The following DNAH12 variants were observed in gnomAD, a reference collection of about 807,000 sequenced individuals.
DNAH12 encodes the protein dynein axonemal heavy chain 12.
In DNAH12, 285 loss-of-function variants were observed where a neutral mutation model predicts 371.5. The ratio of observed to expected loss-of-function variants is 0.77; its 90% CI spans 0.70 to 0.85. The LOEUF (loss-of-function observed/expected upper bound fraction) is 0.85. DNAH12 is among the 40% of genes least tolerant of loss of function. DNAH12 has a pLI of 0.00. For missense variants in DNAH12, 3,611 were observed against 3,689.4 expected (o/e 0.98, Z 0.55); for synonymous variants, 1,200 against 1,213.0 (o/e 0.99, Z 0.22).
chr3:57,532,772 T>C (rs1218689228), intron 2 of DNAH12, among the ~76,000 whole-genome samples: 1 of 152,194 alleles, frequency 6.6e-6, no homozygotes, highest in East Asian at 1.9e-4. Flanking sequence ...TCAACTGTGC[T>C]AGGTCAGATC....
At chr3:57,464,278 G>T (rs1323616932) in intron 17 of DNAH12, among the ~76,000 whole-genome samples, 2 of 152,116 alleles carry the variant, frequency 1.3e-5, no homozygotes, top group African/African-American at 4.8e-5. Context: ...AGCCACAGAA[G>T]ATGCCAAATC....
chr3:57,390,424 A>AAAAAAAAT, intron 45 of DNAH12, among the ~76,000 whole-genome samples: 3 of 33,440 alleles, frequency 9.0e-5, no homozygotes, highest in African/African-American at 1.3e-4. Context: ...AAAAAAAAAA[A>AAAAAAAAT]ATATATATAT....
At chr3:57,305,103 C>T (rs911826513) in intron 69 of DNAH12, among the ~76,000 whole-genome samples, 13 of 152,120 alleles carry the variant, frequency 8.5e-5, no homozygotes, top group Non-Finnish European at 1.3e-4. Flanking sequence ...ACGGCACTTT[C>T]GATTTTTCCA....
At chr3:57,402,361 G>A in intron 43 of DNAH12, 1 of 1,298,634 alleles carries the variant, frequency 7.7e-7, no homozygotes, top group Non-Finnish European at 1.0e-6. Flanking sequence ...CAGACCCCTA[G>A]GCATATAAGG....
intron 39 of DNAH12, among the ~76,000 whole-genome samples, chr3:57,411,092 G>C (rs1421540139): frequency 6.6e-6 from 1 of 152,118 alleles, no homozygotes; most frequent in Non-Finnish European, 1.5e-5. Flanking sequence ...ATAACATGAT[G>C]ATCTATAAAG....
At chr3:57,515,659 A>T (rs1284646716) in intron 4 of DNAH12, among the ~76,000 whole-genome samples, 3 of 152,028 alleles carry the variant, frequency 2.0e-5, no homozygotes, top group African/African-American at 7.2e-5. Context: ...CTTAATAGTT[A>T]AAGTAAAAAT....
intron 16 of DNAH12, among the ~76,000 whole-genome samples, chr3:57,469,457 T>A (rs1262916584): frequency 6.6e-6 from 1 of 152,304 alleles, no homozygotes; most frequent in East Asian, 1.9e-4. Context: ...GAACTACCAT[T>A]TGACCCAGCA....
At chr3:57,430,268 C>G (rs1386915437) in intron 32 of DNAH12, among the ~76,000 whole-genome samples, 3 of 152,146 alleles carry the variant, frequency 2.0e-5, no homozygotes, top group African/African-American at 7.2e-5. Context: ...GCATTATAGA[C>G]ATCACATCAT....
chr3:57,465,472 A>G (rs890763076), intron 17 of DNAH12, among the ~76,000 whole-genome samples: 6 of 152,170 alleles, frequency 3.9e-5, no homozygotes, highest in African/African-American at 1.4e-4. Flanking sequence ...AAGAAAACTA[A>G]GACCAAGATC....
chr3:57,548,116 C>T (rs577047833), upstream of DNAH12, among the ~76,000 whole-genome samples: 1 of 152,204 alleles, frequency 6.6e-6, no homozygotes, highest in Non-Finnish European at 1.5e-5. Context: ...TTTCTGTAGT[C>T]TATAACAAGT....
the DNAH12 span, among the ~76,000 whole-genome samples, chr3:57,554,279 T>C: frequency 7.9e-6 from 1 of 127,360 alleles, no homozygotes. Flanking sequence ...AGAGTGAGGC[T>C]CCATCTCAAA....
rs2153354355 is a variant in DNAH12, at chr3:57,408,596, AAT to A, written c.6021-63_6021-62del. The A allele has an allele frequency of 3.6e-6, 5 of 1,392,746 alleles. No homozygotes were observed. The East Asian group carries it at 1.4e-4, about 38-fold the overall frequency. 86.3% of individuals were successfully genotyped at this position (1,392,746 alleles called of 1,614,324 possible). ...TTATAAAGACATTAAGATGGGATGA[AAT>A]ATAGATCTCCCAAGAAATTTAATCA... is the stretch of plus-strand genomic sequence containing the variant. On this transcript the variant is annotated intron_variant, in intron 39 of 73. Transcript: ENST00000495027.
intron 45 of DNAH12, among the ~76,000 whole-genome samples, chr3:57,389,665 C>T (rs2063568653): frequency 1.3e-5 from 2 of 150,872 alleles, no homozygotes; most frequent in South Asian, 2.1e-4. Flanking sequence ...ACTTTTTTTC[C>T]CCAAAGCTCC....
At chr3:57,366,095 G>C (rs1359380754) in intron 57 of DNAH12, among the ~76,000 whole-genome samples, 1 of 152,066 alleles carries the variant, frequency 6.6e-6, no homozygotes, top group Non-Finnish European at 1.5e-5. Context: ...GTCAACACAA[G>C]AAACAGATCA....
At chr3:57,338,608 T>C (rs1305482363) in intron 60 of DNAH12, among the ~76,000 whole-genome samples, 2 of 135,176 alleles carry the variant, frequency 1.5e-5, no homozygotes, top group Non-Finnish European at 3.1e-5. Flanking sequence ...GTCTGGGATG[T>C]GAAGAGCATC....
chr3:57,449,872 C>T (rs1333440276), intron 25 of DNAH12, among the ~76,000 whole-genome samples: 1 of 152,198 alleles, frequency 6.6e-6, no homozygotes, highest in Non-Finnish European at 1.5e-5. Context: ...CGAGAGCAAG[C>T]GAGGGCTCTG....
chr3:57,487,383 A>AG (rs2066965842), intron 12 of DNAH12, among the ~76,000 whole-genome samples: 1 of 136,980 alleles, frequency 7.3e-6, no homozygotes, highest in Non-Finnish European at 1.6e-5. Flanking sequence ...GAAAAAAAAA[A>AG]AGAAAGAGAA....
At chr3:57,312,778 G>T (rs531915370) in intron 66 of DNAH12, among the ~76,000 whole-genome samples, 4 of 152,152 alleles carry the variant, frequency 2.6e-5, no homozygotes, top group Non-Finnish European at 5.9e-5. Context: ...TCATCATGCA[G>T]TTACAATTCC....
chr3:57,310,723 G>T lies in DNAH12; in HGVS notation c.10890C>A (p.Phe3630Leu). 6.5e-7 allele frequency: 1 copy of T among 1,547,440 alleles called. No individual in the cohort carries two copies. The highest frequency in any genetic ancestry group is 1.2e-5 in the South Asian group (1 of 83,604). The change falls in exon 67 of 74, where the codon TTC becomes TTA. Residue 3630 changes from phenylalanine (F) to leucine (L), a missense_variant. Phe to Leu is a conservative substitution (Grantham distance 22). Coordinates refer to ENST00000495027, the MANE Select transcript of DNAH12 (RefSeq NM_001366028.2). Reference protein sequence around the residue: ...PKGTYEDYIEFIKKLPFTQHP... With the variant: ...PKGTYEDYIELIKKLPFTQHP... ...TTTTTGGTGACATCATTACCTTAATGAATTCAATGTAGTCCTCATAAGTGC... is the reference window on the plus strand; with the variant it reads ...TTTTTGGTGACATCATTACCTTAATTAATTCAATGTAGTCCTCATAAGTGC...
Sources: allele counts gnomAD v4.1 joint callset (sites outside exome capture counted in the v4.1 genomes callset), GRCh38; gene constraint gnomAD v4.1.1; transcripts MANE v1.5; gene names NCBI Gene and HGNC (gene_info 2026-07-23, HGNC 2026-07-21).